CTNNA3: variants seen among roughly 807,000 people sequenced by gnomAD.
The protein encoded by CTNNA3 is catenin alpha 3, also known as catenin alpha-3.
A neutral mutation model predicts 95.7 loss-of-function variants in CTNNA3; 76 were observed. The ratio of observed to expected loss-of-function variants is 0.79; its 90% CI spans 0.66 to 0.96. CTNNA3 has a LOEUF of 0.96. Among genes scored for constraint, CTNNA3 ranks in the 40% least tolerant of loss-of-function variants. The pLI is 0.00. For missense variants in CTNNA3, 1,191 were observed against 1,089.8 expected (o/e 1.09, Z -1.31); for synonymous variants, 431 against 374.4 (o/e 1.15, Z -1.74).
In CTNNA3 at chr10:66,466,710, G is replaced by A. The variant is rs543495506; in HGVS notation, c.1531+53907C>T. Among the ~76,000 whole-genome samples the A allele has an allele frequency of 1.1e-4, 17 of 152,152 alleles. No homozygotes were observed. The South Asian group carries it at 2.5e-3, about 22-fold the overall frequency. Reference sequence around the variant, plus strand: ...TCCTCACAACACAAGTGGGATTTATGAGCTAGTAGCATTGACATGGCCCAG... The same window carrying A: ...TCCTCACAACACAAGTGGGATTTATAAGCTAGTAGCATTGACATGGCCCAG... On this transcript the variant is annotated intron_variant, in intron 11 of 17. Transcript: ENST00000433211.
intron 9 of CTNNA3, among the ~76,000 whole-genome samples, chr10:66,684,465 T>C (rs1266867458): frequency 2.0e-5 from 3 of 152,192 alleles, no homozygotes; most frequent in Non-Finnish European, 4.4e-5. Flanking sequence ...AAGCTTCTTT[T>C]CTACTGAGTT....
At chr10:66,095,495 T>G in intron 14 of CTNNA3, among the ~76,000 whole-genome samples, 1 of 152,130 alleles carries the variant, frequency 6.6e-6, no homozygotes, top group East Asian at 1.9e-4. Flanking sequence ...CCCAATATTC[T>G]GTAAGGTAAT....
chr10:66,669,779 TA>T (rs1277058986), intron 9 of CTNNA3, among the ~76,000 whole-genome samples: 2 of 152,020 alleles, frequency 1.3e-5, no homozygotes, highest in African/African-American at 2.4e-5. Flanking sequence ...ATTGAGGAGG[TA>T]AAGAGAGGAT....
rs187497903 is a variant in CTNNA3, at chr10:67,296,987, T to C, written c.580-77117A>G. On this transcript the variant is annotated intron_variant, in intron 5 of 17. Transcript: ENST00000433211. ...AGAGTTCAGTGCTGGTCCCTGATCCTAGCAAATTAAATAGTCAGCAACTTG... is the reference window on the plus strand; with the variant it reads ...AGAGTTCAGTGCTGGTCCCTGATCCCAGCAAATTAAATAGTCAGCAACTTG... Among the ~76,000 whole-genome samples the C allele has an allele frequency of 3.6e-5, 5 of 139,986 alleles. 1 individual carries two copies. The highest frequency in any genetic ancestry group is 4.6e-4 in the East Asian group (2 of 4,336). The allele number at this position is 139,986 out of a possible 152,430, so 91.8% of individuals were successfully genotyped here. A position where few individuals can be genotyped will look rare whatever the true frequency, so the allele number is the denominator to read the frequency against.
chr10:66,861,029 G>A (rs1843901293), intron 7 of CTNNA3, among the ~76,000 whole-genome samples: 1 of 152,096 alleles, frequency 6.6e-6, no homozygotes, highest in Admixed American at 6.6e-5. Flanking sequence ...TGGTCTCAGG[G>A]AATTCATTGC....
At chr10:66,811,420 A>G (rs768002993) in intron 7 of CTNNA3, among the ~76,000 whole-genome samples, 2 of 152,204 alleles carry the variant, frequency 1.3e-5, no homozygotes, top group Non-Finnish European at 2.9e-5. Flanking sequence ...CCAATTCTGA[A>G]TCTACGCAAG....
intron 10 of CTNNA3, among the ~76,000 whole-genome samples, chr10:66,536,683 C>A (rs574862265): frequency 2.0e-5 from 3 of 152,022 alleles, no homozygotes; most frequent in African/African-American, 7.2e-5. Context: ...ATGCCTTTAA[C>A]AGAGAAGTTA....
intron 5 of CTNNA3, among the ~76,000 whole-genome samples, chr10:67,442,569 A>T (rs1846562158): frequency 6.6e-6 from 1 of 152,178 alleles, no homozygotes; most frequent in Admixed American, 6.5e-5. Context: ...AGCTATACTT[A>T]CATCAGACAT....
At chr10:66,669,919 G>A (rs1246934647) in intron 9 of CTNNA3, among the ~76,000 whole-genome samples, 1 of 152,130 alleles carries the variant, frequency 6.6e-6, no homozygotes, top group African/African-American at 2.4e-5. Flanking sequence ...GGCAGTGAGG[G>A]TGAGGAGAGG....
chr10:67,174,736 T>C (rs1014823915), intron 7 of CTNNA3, among the ~76,000 whole-genome samples: 2 of 152,144 alleles, frequency 1.3e-5, no homozygotes, highest in Non-Finnish European at 2.9e-5. Context: ...TCAGCTCCTA[T>C]ATTCCAGCTT....
intron 13 of CTNNA3, among the ~76,000 whole-genome samples, chr10:66,233,090 G>A (rs1394268187): frequency 7.1e-6 from 1 of 141,302 alleles, no homozygotes; most frequent in Non-Finnish European, 1.5e-5. Flanking sequence ...AACCCGGGAG[G>A]CGGAGCTTGT....
intron 11 of CTNNA3, among the ~76,000 whole-genome samples, chr10:66,494,724 A>T (rs1167889143): frequency 6.6e-6 from 1 of 152,194 alleles, no homozygotes; most frequent in African/African-American, 2.4e-5. Context: ...GGATCAAGCC[A>T]TTTATTTTTA....
At chr10:67,387,374 G>A (rs983561006) in intron 5 of CTNNA3, among the ~76,000 whole-genome samples, 2 of 152,246 alleles carry the variant, frequency 1.3e-5, no homozygotes, top group South Asian at 4.1e-4. Flanking sequence ...GGCGCACCAC[G>A]AGAGTATATC....
chr10:66,228,690 T>C (rs1159207009), intron 13 of CTNNA3, among the ~76,000 whole-genome samples: 8 of 152,122 alleles, frequency 5.3e-5, no homozygotes, highest in Admixed American at 2.6e-4. Flanking sequence ...TGATGTTTCT[T>C]TGATTTTTTG....
intron 17 of CTNNA3, among the ~76,000 whole-genome samples, chr10:65,929,127 T>C (rs2077211359): frequency 6.6e-6 from 1 of 151,502 alleles, no homozygotes; most frequent in Non-Finnish European, 1.5e-5. Flanking sequence ...CATGTGGTGT[T>C]TGGTTTTTTG....
chr10:66,780,535 A>G (rs985473739), intron 7 of CTNNA3, among the ~76,000 whole-genome samples: 4 of 152,168 alleles, frequency 2.6e-5, no homozygotes, highest in African/African-American at 9.6e-5. Context: ...TGAAATTGTC[A>G]TTTCAAGGAG....
chr10:67,606,612 T>C (rs972988159), intron 3 of CTNNA3, among the ~76,000 whole-genome samples: 1 of 152,014 alleles, frequency 6.6e-6, no homozygotes, highest in Non-Finnish European at 1.5e-5. Flanking sequence ...GGAAAAGCTA[T>C]GGCAAGGCAG....
At chr10:67,076,278 A>G (rs1856743847) in intron 7 of CTNNA3, among the ~76,000 whole-genome samples, 1 of 152,240 alleles carries the variant, frequency 6.6e-6, no homozygotes, top group African/African-American at 2.4e-5. Flanking sequence ...ACTGGATCTT[A>G]AGGCTAAAAT....
At chr10:66,971,427 A>C (rs1222450266) in intron 7 of CTNNA3, among the ~76,000 whole-genome samples, 1 of 3,824 alleles carries the variant, frequency 2.6e-4, no homozygotes, top group African/African-American at 2.7e-4. Context: ...ACTCCGTCTC[A>C]AAAAAAAAAA....
Sources: allele counts gnomAD v4.1 joint callset (sites outside exome capture counted in the v4.1 genomes callset), GRCh38; gene constraint gnomAD v4.1.1; transcripts MANE v1.5; gene names NCBI Gene and HGNC (gene_info 2026-07-23, HGNC 2026-07-21).